The following LRCH1 variants were observed in gnomAD, a reference collection of about 807,000 sequenced individuals.
LRCH1 encodes leucine rich repeats and calponin homology domain containing 1, also known as leucine-rich repeat and calponin homology domain-containing protein 1.
In LRCH1, 23 loss-of-function variants were observed where a neutral mutation model predicts 94.9. That is an observed-to-expected ratio of 0.24 (90% CI 0.17 to 0.34). LRCH1 has a LOEUF of 0.34. Among genes scored for constraint, LRCH1 ranks in the 10% least tolerant of loss-of-function variants. LRCH1 has a pLI of 1.00. For missense variants in LRCH1, 790 were observed against 945.9 expected (o/e 0.84, Z 2.16); for synonymous variants, 364 against 354.9 (o/e 1.03, Z -0.29).
chr13:46,680,115 G>T (rs1054837933), intron 3 of LRCH1: 1 of 152,194 alleles, frequency 6.6e-6, no homozygotes, highest in Non-Finnish European at 1.5e-5. Context: ...TTAAGGCCTT[G>T]ATCTCACTGG....
At chr13:46,668,429 A>G (rs2051550259) in intron 2 of LRCH1, among the ~76,000 whole-genome samples, 1 of 152,194 alleles carries the variant, frequency 6.6e-6, no homozygotes. Flanking sequence ...GCTCTCTTGC[A>G]GATACCAAAA....
Position 46,565,640 on chromosome 13 carries a change from G to GT in LRCH1, c.307+11938dup, listed in dbSNP as rs1334558120. ...CAGCCTGGCCAATATGGTGAGACCC[G>GT]TCTCTACTAAAAATACAAAAATTAG... On this transcript the variant is annotated intron_variant, in intron 1 of 19. Transcript: ENST00000389797. 4.0e-5 allele frequency among the ~76,000 whole-genome samples: 6 copies of GT among 151,682 alleles called. No individual in the cohort carries two copies. In the East Asian group the frequency reaches 1.2e-3, roughly 29 times the overall value.
chr13:46,728,892 G>A lies in LRCH1; in HGVS notation c.1915G>A (p.Ala639Thr). The change falls in exon 18 of 20, where the codon GCA becomes ACA. Residue 639 changes from alanine (A) to threonine (T), a missense_variant. Physicochemically the swap from Ala to Thr is moderately conservative, Grantham distance 58. Transcript: ENST00000389797. ...LKVSLHEDLGAALMDGVVLCH... is the reference protein window; with the variant it reads ...LKVSLHEDLGTALMDGVVLCH... The stretch of plus-strand genomic sequence containing the variant: ...GGTCAGTCTACACGAAGACCTGGGG[G>A]CAGCCCTCATGGATGGTGTCGTCCT... 6.2e-7 allele frequency: 1 copy of A among 1,613,292 alleles called. No individual in the cohort carries two copies.
At chr13:46,684,818 A>G (rs1459631673) in intron 4 of LRCH1, among the ~76,000 whole-genome samples, 5 of 152,238 alleles carry the variant, frequency 3.3e-5, no homozygotes, top group Non-Finnish European at 5.9e-5. Flanking sequence ...TAAAAAACAC[A>G]GTCCCTTACA....
chr13:46,743,169 T>G lies in LRCH1; in HGVS notation c.*1321T>G. The G allele has an allele frequency of 1.0e-6, 1 of 985,678 alleles. No individual in the cohort carries two copies. The highest frequency in any genetic ancestry group is 1.2e-6 in the Non-Finnish European group (1 of 829,868). 61.1% of individuals were successfully genotyped at this position (985,678 alleles called of 1,614,324 possible). A position where few individuals can be genotyped will look rare whatever the true frequency, so the allele number is the denominator to read the frequency against. ...ACTTAGCTTCCTCAAGATAAATTTC[T>G]AGTTTATTAAGATGCAAACAGCTCT... On this transcript the variant is annotated 3_prime_UTR_variant, in exon 20 of 20. Coordinates refer to ENST00000389797, the MANE Select transcript of LRCH1 (RefSeq NM_001164211.2).
chr13:46,727,078 C>T (rs1362708770), intron 17 of LRCH1, among the ~76,000 whole-genome samples: 1 of 152,044 alleles, frequency 6.6e-6, no homozygotes, highest in Non-Finnish European at 1.5e-5. Flanking sequence ...TATTTTTAAA[C>T]CAGCCATGAT....
At chr13:46,658,238 T>G (rs2051401636) in intron 2 of LRCH1, among the ~76,000 whole-genome samples, 1 of 152,222 alleles carries the variant, frequency 6.6e-6, no homozygotes, top group Non-Finnish European at 1.5e-5. Context: ...TTTATCCACT[T>G]TTATGGAAGA....
chr13:46,694,872 C>G (rs749782116), intron 8 of LRCH1, 21 bp from the exon 9 acceptor site: 1 of 1,613,356 alleles, frequency 6.2e-7, no homozygotes, highest in Non-Finnish European at 8.5e-7. Flanking sequence ...TGCTTTCCAT[C>G]TCTCTATATT....
chr13:46,662,018 C>T (rs1256855415), intron 2 of LRCH1, among the ~76,000 whole-genome samples: 1 of 152,184 alleles, frequency 6.6e-6, no homozygotes, highest in African/African-American at 2.4e-5. Flanking sequence ...TGAGACCAGC[C>T]TGACCAACAT....
At position 46,728,893 on chromosome 13, in the gene LRCH1, C is replaced by T; in HGVS notation, c.1916C>T (p.Ala639Val). ...GTCAGTCTACACGAAGACCTGGGGG[C>T]AGCCCTCATGGATGGTGTCGTCCTC... is the stretch of plus-strand genomic sequence containing the variant. ...LKVSLHEDLGAALMDGVVLCH... is the reference protein window; with the variant it reads ...LKVSLHEDLGVALMDGVVLCH... The change falls in exon 18 of 20, where the codon GCA (alanine) becomes GTA (valine). Residue 639 changes from alanine (A) to valine (V), a missense_variant. Ala to Val is a moderately conservative substitution (Grantham distance 64). Around this residue, in one of 3 missense-constraint regions of LRCH1, gnomAD observed 460 missense variants for 508.9 expected, o/e 0.90. Transcript: ENST00000389797. 1 of 1,613,368 alleles carries T rather than the reference C, an allele frequency of 6.2e-7. No individual in the cohort carries two copies. The highest frequency in any genetic ancestry group is 8.5e-7 in the Non-Finnish European group (1 of 1,179,604).
At chr13:46,593,177 C>CATTT (rs2050519505) in intron 1 of LRCH1, among the ~76,000 whole-genome samples, 1 of 151,724 alleles carries the variant, frequency 6.6e-6, no homozygotes. Context: ...TCAGTACTTC[C>CATTT]ATTTACTCAG....
At chr13:46,717,652 A>C (rs2138209312) in intron 16 of LRCH1, 1 of 152,314 alleles carries the variant, frequency 6.6e-6, no homozygotes. Flanking sequence ...TTTGTAAATA[A>C]CCTTTATAAA....
chr13:46,725,014 C>T (rs1372704920), intron 17 of LRCH1, among the ~76,000 whole-genome samples: 1 of 152,192 alleles, frequency 6.6e-6, no homozygotes, highest in Non-Finnish European at 1.5e-5. Context: ...CCATGGAATA[C>T]TACACAGCCA....
At chr13:46,695,390 A>G (rs1018578639) in intron 9 of LRCH1, among the ~76,000 whole-genome samples, 1 of 152,216 alleles carries the variant, frequency 6.6e-6, no homozygotes, top group Non-Finnish European at 1.5e-5. Flanking sequence ...TGAAGACAAA[A>G]GTGGAGACTT....
At chr13:46,639,531 ATG>A in intron 1 of LRCH1, among the ~76,000 whole-genome samples, 1 of 152,300 alleles carries the variant, frequency 6.6e-6, no homozygotes, top group Non-Finnish European at 1.5e-5. Context: ...TCAAATAATC[ATG>A]TGATTTAGTG....
chr13:46,626,845 T>G (rs746464744), intron 1 of LRCH1, among the ~76,000 whole-genome samples: 1 of 152,218 alleles, frequency 6.6e-6, no homozygotes, highest in Non-Finnish European at 1.5e-5. Flanking sequence ...ACTAACCGGT[T>G]TATGCAAGAT....
intron 2 of LRCH1, among the ~76,000 whole-genome samples, chr13:46,659,322 A>G (rs1244663742): frequency 6.6e-6 from 1 of 152,074 alleles, no homozygotes; most frequent in Non-Finnish European, 1.5e-5. Context: ...CCTCCTGAGT[A>G]GCTGGGATTA....
chr13:46,605,986 C>T (rs2050682455), intron 1 of LRCH1, among the ~76,000 whole-genome samples: 1 of 152,140 alleles, frequency 6.6e-6, no homozygotes, highest in Non-Finnish European at 1.5e-5. Flanking sequence ...AGTGACTTCT[C>T]CAAGGTCACA....
intron 13 of LRCH1, among the ~76,000 whole-genome samples, chr13:46,711,420 A>G (rs2138198520): frequency 6.6e-6 from 1 of 152,318 alleles, no homozygotes; most frequent in East Asian, 1.9e-4. Flanking sequence ...CTGCATATTT[A>G]GGAAGTACTA....
Sources: gnomAD v4.1 joint callset for allele counts (sites outside exome capture counted in the v4.1 genomes callset) on GRCh38, gnomAD v4.1.1 for gene constraint, gnomAD v4.1.1 regional missense constraint, MANE v1.5 for transcripts, NCBI Gene and HGNC (gene_info 2026-07-23, HGNC 2026-07-21) for gene names.